KCNQ1OT1: variants seen among roughly 807,000 people sequenced by gnomAD.
KCNQ1OT1 encodes KCNQ1 opposite strand/antisense transcript 1.
At position 2,691,101 on chromosome 11, in the gene KCNQ1OT1, A is replaced by G; in HGVS notation, n.8894T>C. ...TCTAGATGCCTGCAGATTCCTGACA[A>G]CAGTAGGGGTGGAGGCTGTGCAGAC... On this transcript the variant is annotated non_coding_transcript_exon_variant, in exon 1 of 1. Coordinates refer to ENST00000597346, the Ensembl canonical transcript of KCNQ1OT1. This position sits in a 1 kb window ranked among gnomAD's most constrained non-coding sequence, Gnocchi z 6.4. 2.5e-6 allele frequency: 1 copy of G among 398,696 alleles called. No homozygotes were observed. The allele number at this position is 398,696 out of a possible 1,614,324, so 24.7% of individuals were successfully genotyped here. A position where few individuals can be genotyped will look rare whatever the true frequency, so the allele number is the denominator to read the frequency against.
chr11:2,627,292 T>C lies in KCNQ1OT1; in HGVS notation n.72703A>G, dbSNP rs1849276539. 1 of 398,544 alleles carries C rather than the reference T, an allele frequency of 2.5e-6. No homozygotes were observed. The highest frequency in any genetic ancestry group is 4.4e-6 in the Non-Finnish European group (1 of 226,028). 24.7% of individuals were successfully genotyped at this position (398,544 alleles called of 1,614,324 possible). ...CAAGCCAATTAACATATACCTTACA[T>C]AGTTGCCATGTGTGTGCGTGTGTGT... is the stretch of plus-strand genomic sequence containing the variant. On this transcript the variant is annotated non_coding_transcript_exon_variant, in exon 1 of 1. Transcript: ENST00000597346. The surrounding 1 kb of genome is among the most constrained non-coding windows in gnomAD (Gnocchi z 4.9).
exon 1 of KCNQ1OT1, chr11:2,622,986 C>T (rs1416524840): frequency 2.5e-6 from 1 of 398,546 alleles, no homozygotes; most frequent in African/African-American, 2.1e-5. Flanking sequence ...CTCTGTGTTC[C>T]CACCCAAATC....
At chr11:2,665,527 GA>G (rs1850051776) in exon 1 of KCNQ1OT1, 2 of 393,496 alleles carry the variant, frequency 5.1e-6, no homozygotes, top group African/African-American at 4.3e-5. Context: ...CTGCCATCTA[GA>G]ATGCCCTTGT....
At chr11:2,618,343 G>T (rs1314318891) in exon 1 of KCNQ1OT1, 1 of 398,428 alleles carries the variant, frequency 2.5e-6, no homozygotes, top group East Asian at 3.6e-5. Flanking sequence ...TTTTAACAAA[G>T]TTTACAAATT....
At chr11:2,667,656 G>A in exon 1 of KCNQ1OT1, 1 of 398,634 alleles carries the variant, frequency 2.5e-6, no homozygotes, top group Non-Finnish European at 4.4e-6. Context: ...AGGGGAGATT[G>A]AACTGCAGAG....
chr11:2,657,864 A>C lies in KCNQ1OT1; in HGVS notation n.42131T>G. Reference sequence around the variant, plus strand: ...AGGACTAGACCAGGGTTATAGGTTTAGGGGAAGGAGGCCAGTGAGGTGAGA... The same window carrying C: ...AGGACTAGACCAGGGTTATAGGTTTCGGGGAAGGAGGCCAGTGAGGTGAGA... On this transcript the variant is annotated non_coding_transcript_exon_variant, in exon 1 of 1. Coordinates refer to ENST00000597346, the Ensembl canonical transcript of KCNQ1OT1. This position sits in a 1 kb window ranked among gnomAD's most constrained non-coding sequence, Gnocchi z 4.8. 2.5e-6 allele frequency: 1 copy of C among 398,590 alleles called. No homozygotes were observed. Among genetic ancestry groups the C allele is most frequent in the Non-Finnish European group, 4.4e-6 (1 of 226,048 alleles). The allele number at this position is 398,590 out of a possible 1,614,324, so 24.7% of individuals were successfully genotyped here.
At chr11:2,693,192 C>T (rs765904999) in exon 1 of KCNQ1OT1, 7 of 398,576 alleles carry the variant, frequency 1.8e-5, no homozygotes, top group Admixed American at 4.4e-5. Context: ...TCTGGCTCTG[C>T]GTTCCAGTCA....
exon 1 of KCNQ1OT1, chr11:2,628,962 C>A: frequency 2.5e-6 from 1 of 398,230 alleles, no homozygotes; most frequent in South Asian, 1.3e-4. Context: ...CTATTCTGTT[C>A]CATTGGTTTA....
In KCNQ1OT1 at chr11:2,682,240, C is replaced by G. The variant is rs1223640332; in HGVS notation, n.17755G>C. The G allele has an allele frequency of 5.0e-6, 2 of 398,474 alleles. No individual in the cohort carries two copies. The highest frequency in any genetic ancestry group is 2.1e-5 in the African/African-American group (1 of 48,612). The allele number at this position is 398,474 out of a possible 1,614,324, so 24.7% of individuals were successfully genotyped here. ...CCTGTGGTTCTTAGCTGAAATGTCC[C>G]TTCCTCAGAGGAGCCAATTTCTAAA... is the stretch of plus-strand genomic sequence containing the variant. On this transcript the variant is annotated non_coding_transcript_exon_variant, in exon 1 of 1. Transcript: ENST00000597346. The surrounding 1 kb of genome is among the most constrained non-coding windows in gnomAD (Gnocchi z 5.8).
rs1161669127 is a variant in KCNQ1OT1 at position 2,695,164 on chromosome 11, C to A, written n.4831G>T. The A allele has an allele frequency of 2.5e-6, 1 of 398,604 alleles. No homozygotes were observed. Among genetic ancestry groups the A allele is most frequent in the Non-Finnish European group, 4.4e-6 (1 of 226,062 alleles). 24.7% of individuals were successfully genotyped at this position (398,604 alleles called of 1,614,324 possible). A position where few individuals can be genotyped will look rare whatever the true frequency, so the allele number is the denominator to read the frequency against. ...GGTTCTTGGCTTTTGGGACTCTGCA[C>A]AGAGTTGATCACAGCCCTCAGCCTA... On this transcript the variant is annotated non_coding_transcript_exon_variant, in exon 1 of 1. Coordinates refer to ENST00000597346, the Ensembl canonical transcript of KCNQ1OT1. This position sits in a 1 kb window ranked among gnomAD's most constrained non-coding sequence, Gnocchi z 5.2.
rs146161423 is a variant in KCNQ1OT1 at position 2,649,621 on chromosome 11, A to G, written n.50374T>C. On this transcript the variant is annotated non_coding_transcript_exon_variant, in exon 1 of 1. Coordinates refer to ENST00000597346, the Ensembl canonical transcript of KCNQ1OT1. ...TTCCCCACCTTGCAGCACTTTTAAT[A>G]TGGCATTCAATTCTTTCCTGGCCTA... The G allele has an allele frequency of 2.4e-3, 956 of 398,580 alleles. 4 individuals carry two copies. The highest frequency in any genetic ancestry group is 0.018 in the African/African-American group (857 of 48,748). 24.7% of individuals were successfully genotyped at this position (398,580 alleles called of 1,614,324 possible). A position where few individuals can be genotyped will look rare whatever the true frequency, so the allele number is the denominator to read the frequency against.
chr11:2,685,254 C>T (rs1247371670), exon 1 of KCNQ1OT1: 1 of 398,564 alleles, frequency 2.5e-6, no homozygotes, highest in Non-Finnish European at 4.4e-6. Context: ...TACCAAACTC[C>T]AGGGCACACG....
At position 2,696,423 on chromosome 11, in the gene KCNQ1OT1, T is replaced by A. The variant is rs1054078339; in HGVS notation, n.3572A>T. 39 of 398,584 alleles carry A rather than the reference T, an allele frequency of 9.8e-5. No individual in the cohort carries two copies. In the Admixed American group the frequency reaches 1.3e-3, roughly 13 times the overall value. The allele number at this position is 398,584 out of a possible 1,614,324, so 24.7% of individuals were successfully genotyped here. ...CCCTTCCTCTAGACTTGGAGTTACC[T>A]CTGAGCTCTCTTCTGGGCCTCTGTC... On this transcript the variant is annotated non_coding_transcript_exon_variant, in exon 1 of 1. Coordinates refer to ENST00000597346, the Ensembl canonical transcript of KCNQ1OT1.
Position 2,654,250 on chromosome 11 carries a change from C to T in KCNQ1OT1, n.45745G>A, listed in dbSNP as rs752705004. ...CCGGATGCCCCTGGGGAGGGCTTCTCCTTCACAGTGCAGGATCCGCAGGGC... is the reference window on the plus strand; with the variant it reads ...CCGGATGCCCCTGGGGAGGGCTTCTTCTTCACAGTGCAGGATCCGCAGGGC... On this transcript the variant is annotated non_coding_transcript_exon_variant, in exon 1 of 1. Coordinates refer to ENST00000597346, the Ensembl canonical transcript of KCNQ1OT1. This position sits in a 1 kb window ranked among gnomAD's most constrained non-coding sequence, Gnocchi z 6.4. 4 of 398,690 alleles carry T rather than the reference C, an allele frequency of 1.0e-5. No homozygotes were observed. Among genetic ancestry groups the T allele is most frequent in the Non-Finnish European group, 1.8e-5 (4 of 226,196 alleles). The allele number at this position is 398,690 out of a possible 1,614,324, so 24.7% of individuals were successfully genotyped here. A position where few individuals can be genotyped will look rare whatever the true frequency, so the allele number is the denominator to read the frequency against.
rs1378402579 is a variant in KCNQ1OT1 at position 2,629,709 on chromosome 11, ATTTG to A, written n.70282_70285del. On this transcript the variant is annotated non_coding_transcript_exon_variant, in exon 1 of 1. Transcript: ENST00000597346. ...TATTTTAAATGAAATTGTTTTCTTA[ATTTG>A]TTTTTCAGGTTGTTTATTATTAGTG... 1.8e-5 allele frequency: 7 copies of A among 398,258 alleles called. No homozygotes were observed. The East Asian group carries it at 2.5e-4, about 14-fold the overall frequency. 24.7% of individuals were successfully genotyped at this position (398,258 alleles called of 1,614,324 possible). A position where few individuals can be genotyped will look rare whatever the true frequency, so the allele number is the denominator to read the frequency against.
At chr11:2,631,804 C>A (rs926672310) in exon 1 of KCNQ1OT1, 1 of 398,432 alleles carries the variant, frequency 2.5e-6, no homozygotes, top group African/African-American at 2.1e-5. Context: ...TCCTTGGTGG[C>A]CAAGGCTGAG....
At position 2,642,851 on chromosome 11, in the gene KCNQ1OT1, G is replaced by C; in HGVS notation, n.57144C>G. 2 of 397,772 alleles carry C rather than the reference G, an allele frequency of 5.0e-6. No individual in the cohort carries two copies. The highest frequency in any genetic ancestry group is 2.1e-5 in the African/African-American group (1 of 48,696). The allele number at this position is 397,772 out of a possible 1,614,324, so 24.6% of individuals were successfully genotyped here. On this transcript the variant is annotated non_coding_transcript_exon_variant, in exon 1 of 1. Coordinates refer to ENST00000597346, the Ensembl canonical transcript of KCNQ1OT1. This position sits in a 1 kb window ranked among gnomAD's most constrained non-coding sequence, Gnocchi z 4.3. ...CTTTTGCAGTATCCCTTAAGTTTCAGAATGTTGTGCTTCTATTTTCACTTG... is the reference window on the plus strand; with the variant it reads ...CTTTTGCAGTATCCCTTAAGTTTCACAATGTTGTGCTTCTATTTTCACTTG...
Position 2,664,929 on chromosome 11 carries a change from C to T in KCNQ1OT1, n.35066G>A. On this transcript the variant is annotated non_coding_transcript_exon_variant, in exon 1 of 1. Coordinates refer to ENST00000597346, the Ensembl canonical transcript of KCNQ1OT1. The surrounding 1 kb of genome is among the most constrained non-coding windows in gnomAD (Gnocchi z 5.1). Reference sequence around the variant, plus strand: ...TCTCGAGCTCTCCCCGCCCGCAGGGCCCCAGAGAGGTGAGGTCACTATAGC... The same window carrying T: ...TCTCGAGCTCTCCCCGCCCGCAGGGTCCCAGAGAGGTGAGGTCACTATAGC... 1 of 398,640 alleles carries T rather than the reference C, an allele frequency of 2.5e-6. No individual in the cohort carries two copies. The allele number at this position is 398,640 out of a possible 1,614,324, so 24.7% of individuals were successfully genotyped here.
exon 1 of KCNQ1OT1, chr11:2,633,401 T>C (rs1223615963): frequency 5.0e-6 from 2 of 398,458 alleles, no homozygotes; most frequent in African/African-American, 4.1e-5. Flanking sequence ...CTATTTTTGT[T>C]TTTGTTGCCT....
Sources: allele counts gnomAD v4.1 joint callset, GRCh38; gene constraint gnomAD v4.1.1; non-coding constraint Gnocchi (gnomAD v3.1); transcripts MANE v1.5; gene names NCBI Gene and HGNC (gene_info 2026-07-23, HGNC 2026-07-21).